Variants in TRPC6 observed in about 807,000 individuals in gnomAD.
TRPC6 encodes the protein short transient receptor potential channel 6.
TRPC6 carries 55 observed loss-of-function variants against 90.7 expected under a neutral mutation model. The ratio of observed to expected loss-of-function variants is 0.61; its 90% CI spans 0.49 to 0.76. TRPC6 has a LOEUF of 0.76. Among genes scored for constraint, TRPC6 ranks in the 30% least tolerant of loss-of-function variants. The pLI, the probability that TRPC6 is intolerant of heterozygous loss-of-function variation, is 0.00. For synonymous variants in TRPC6, 393 were observed against 393.0 expected, an observed-to-expected ratio of 1.00 and a Z score of 0.00; for missense variants, 989 against 1,122.7, an observed-to-expected ratio of 0.88 and a Z score of 1.70.
At chr11:101,553,459 T>G (rs1361200860) in intron 1 of TRPC6, among the ~76,000 whole-genome samples, 1 of 152,070 alleles carries the variant, frequency 6.6e-6, no homozygotes, top group East Asian at 1.9e-4. Flanking sequence ...AATGCAAATA[T>G]CTCCCGGCCT....
At chr11:101,474,690 C>A (rs1859372569) in intron 6 of TRPC6, among the ~76,000 whole-genome samples, 1 of 151,912 alleles carries the variant, frequency 6.6e-6, no homozygotes, top group Non-Finnish European at 1.5e-5. Context: ...TGTGATATTG[C>A]CAATAAACTC....
At chr11:101,578,662 C>T (rs187899093) in intron 1 of TRPC6, among the ~76,000 whole-genome samples, 217 of 152,092 alleles carry the variant, frequency 1.4e-3, no homozygotes, top group African/African-American at 4.9e-3. Context: ...TTTGAGTTTC[C>T]TCTAAGACTG....
At chr11:101,559,796 C>T (rs1861675374) in intron 1 of TRPC6, among the ~76,000 whole-genome samples, 1 of 136,194 alleles carries the variant, frequency 7.3e-6, no homozygotes, top group Non-Finnish European at 1.6e-5. Context: ...CCCCCCACCC[C>T]ACAACAGGCC....
At chr11:101,543,705 C>T (rs539710615) in intron 1 of TRPC6, among the ~76,000 whole-genome samples, 4 of 152,116 alleles carry the variant, frequency 2.6e-5, no homozygotes, top group Non-Finnish European at 5.9e-5. Context: ...AACTGGATCC[C>T]TTCCTTACAC....
intron 1 of TRPC6, among the ~76,000 whole-genome samples, 188 bp from the exon 2 acceptor site, chr11:101,504,986 A>AAGC (rs1338170673): frequency 6.6e-6 from 1 of 152,198 alleles, no homozygotes; most frequent in East Asian, 1.9e-4. Context: ...ACGTCTAAGA[A>AAGC]AGCCAAGCAC....
At chr11:101,469,348 C>T in intron 10 of TRPC6, 79 bp downstream of exon 10, 1 of 706,384 alleles carries the variant, frequency 1.4e-6, no homozygotes, top group South Asian at 1.5e-5. Context: ...GCTAAAATTG[C>T]TTCTGAACAT....
intron 1 of TRPC6, among the ~76,000 whole-genome samples, chr11:101,507,054 C>A (rs1565222896): frequency 6.8e-6 from 1 of 146,076 alleles, no homozygotes; most frequent in Non-Finnish European, 1.5e-5. Context: ...CACACACAGA[C>A]CCCCTTCATG....
rs776291284 is a variant in TRPC6, at chr11:101,504,339, A to T, written c.630T>A (p.Asp210Glu). The change falls in exon 2 of 13, where the codon GAT (aspartate) becomes GAA (glutamate). Residue 210 changes from aspartate to glutamate, a missense_variant. Physicochemically the swap from Asp to Glu is conservative, Grantham distance 45 (BLOSUM62 2). Transcript: ENST00000344327. ...CATGGGAGAACCGTGTCCCATCTTC[A>T]TCATAGGCATAAAAATCATCTTGCT... ...ELQQDDFYAY[D>E]EDGTRFSHDV... is the part of the protein sequence containing the mutation. The T allele has an allele frequency of 2.5e-6, 4 of 1,613,920 alleles. No individual in the cohort carries two copies. Among genetic ancestry groups the T allele is most frequent in the Non-Finnish European group, 3.4e-6 (4 of 1,179,970 alleles).
rs200869151 is a variant in TRPC6, at chr11:101,491,833, A to ATTTTTTTTTTTTTTTTT, written c.946-96_946-95insAAAAAAAAAAAAAAAAA. 350 of 782,198 alleles carry ATTTTTTTTTTTTTTTTT rather than the reference A, an allele frequency of 4.5e-4. 43 individuals are homozygous for ATTTTTTTTTTTTTTTTT. In the African/African-American group the frequency reaches 9.3e-3, roughly 21 times the overall value. 48.5% of individuals were successfully genotyped at this position (782,198 alleles called of 1,614,324 possible). A position where few individuals can be genotyped will look rare whatever the true frequency, so the allele number is the denominator to read the frequency against. On this transcript the variant is annotated intron_variant, in intron 2 of 12. Transcript: ENST00000344327. ...AAGGATTTTATACTTTAAGAGAAACATTCTTTTTTTTTTTTTTTTTTTTTT... is the reference window on the plus strand; with the variant it reads ...AAGGATTTTATACTTTAAGAGAAACATTTTTTTTTTTTTTTTTTTCTTTTTTTTTTTTTTTTTTTTTT...
In TRPC6 at chr11:101,469,466, A is replaced by G; in HGVS notation, c.2445T>C (p.Ser815=). The change falls in exon 10 of 13, where the codon AGT becomes AGC. Residue 815 remains serine (S), a synonymous_variant. Transcript: ENST00000344327. ...GTGATAATTTTGAAAGGTCTTCATG[A>G]CTTCCTAAAATTCCAAGTTTCTTTT... ...NEEKKLGILG[S]HEDLSKLSLD... 1 of 771,808 alleles carries G rather than the reference A, an allele frequency of 1.3e-6. No homozygotes were observed. Among genetic ancestry groups the G allele is most frequent in the Non-Finnish European group, 2.4e-6 (1 of 413,340 alleles). The allele number at this position is 771,808 out of a possible 1,614,324, so 47.8% of individuals were successfully genotyped here.
chr11:101,527,894 T>A (rs907752512), intron 1 of TRPC6, among the ~76,000 whole-genome samples: 4 of 151,894 alleles, frequency 2.6e-5, no homozygotes, highest in Non-Finnish European at 5.9e-5. Flanking sequence ...CAACATGGTG[T>A]AACCCTGTCT....
At chr11:101,526,820 C>T (rs182953359) in intron 1 of TRPC6, among the ~76,000 whole-genome samples, 6 of 124,094 alleles carry the variant, frequency 4.8e-5, no homozygotes, top group Admixed American at 4.1e-4. Flanking sequence ...GCTGAGATTG[C>T]GCCAGTGCAC....
intron 10 of TRPC6, among the ~76,000 whole-genome samples, chr11:101,459,907 A>G (rs1472054552): frequency 6.6e-6 from 1 of 152,174 alleles, no homozygotes; most frequent in African/African-American, 2.4e-5. Flanking sequence ...CAAAGTACCA[A>G]TTTAATCTTT....
At chr11:101,506,320 T>C (rs2136747334) in intron 1 of TRPC6, among the ~76,000 whole-genome samples, 1 of 148,724 alleles carries the variant, frequency 6.7e-6, no homozygotes, top group East Asian at 1.9e-4. Context: ...CCTCATAAGC[T>C]ATCTTTCCCT....
chr11:101,526,796 G>A (rs544486870), intron 1 of TRPC6, among the ~76,000 whole-genome samples: 6 of 145,716 alleles, frequency 4.1e-5, no homozygotes, highest in South Asian at 2.2e-4. Flanking sequence ...CCCGGGAGGC[G>A]GAGCTTGCAG....
At chr11:101,543,460 G>A (rs1454345936) in intron 1 of TRPC6, among the ~76,000 whole-genome samples, 2 of 152,108 alleles carry the variant, frequency 1.3e-5, no homozygotes, top group African/African-American at 4.8e-5. Flanking sequence ...CATGCTACCT[G>A]ACTTCAAACT....
At chr11:101,571,926 A>C (rs1332106854) in intron 1 of TRPC6, among the ~76,000 whole-genome samples, 1 of 152,236 alleles carries the variant, frequency 6.6e-6, no homozygotes, top group African/African-American at 2.4e-5. Context: ...CCTAGAAGAA[A>C]ACCTAGGCAA....
At position 101,452,726 on chromosome 11, in the gene TRPC6, A is replaced by G. The variant is rs200700133; in HGVS notation, c.*229T>C. 2 of 532,990 alleles carry G rather than the reference A, an allele frequency of 3.8e-6. No homozygotes were observed. The highest frequency in any genetic ancestry group is 6.7e-6 in the Non-Finnish European group (2 of 298,452). 33.0% of individuals were successfully genotyped at this position (532,990 alleles called of 1,614,324 possible). A position where few individuals can be genotyped will look rare whatever the true frequency, so the allele number is the denominator to read the frequency against. On this transcript the variant is annotated 3_prime_UTR_variant, in exon 13 of 13. Coordinates refer to ENST00000344327, the MANE Select transcript of TRPC6 (RefSeq NM_004621.6). ...CAAGAAAGCAGTTTATAAAACAAGCACCAAACAACTGGGCATAATTTTCCT... is the reference window on the plus strand; with the variant it reads ...CAAGAAAGCAGTTTATAAAACAAGCGCCAAACAACTGGGCATAATTTTCCT...
chr11:101,526,218 G>A (rs1277838320), intron 1 of TRPC6, among the ~76,000 whole-genome samples: 1 of 152,058 alleles, frequency 6.6e-6, no homozygotes, highest in Non-Finnish European at 1.5e-5. Flanking sequence ...GCATGATGCA[G>A]ACCCCTCTAA....
Sources: allele counts gnomAD v4.1 joint callset (sites outside exome capture counted in the v4.1 genomes callset), GRCh38; gene constraint gnomAD v4.1.1; transcripts MANE v1.5; gene names NCBI Gene and HGNC (gene_info 2026-07-23, HGNC 2026-07-21).